The following RNF175 variants were observed in gnomAD, a reference collection of about 807,000 sequenced individuals.
RNF175 encodes the protein ring finger protein 175.
A neutral mutation model predicts 50.0 loss-of-function variants in RNF175; 38 were observed. That is an observed-to-expected ratio of 0.76 (90% CI 0.59 to 1.00). The LOEUF is 1.00. Among genes scored for constraint, RNF175 ranks in the 50% least tolerant of loss-of-function variants. The pLI, the probability that RNF175 is intolerant of heterozygous loss-of-function variation, is 0.00. For missense variants in RNF175, 388 were observed against 409.6 expected (o/e 0.95, Z 0.46); for synonymous variants, 155 against 146.1 (o/e 1.06, Z -0.44).
intron 3 of RNF175, among the ~76,000 whole-genome samples, chr4:153,745,232 A>C (rs1739904881): frequency 6.6e-6 from 1 of 152,194 alleles, no homozygotes; most frequent in Non-Finnish European, 1.5e-5. Flanking sequence ...CATTACCAGC[A>C]CCATGAGGGA....
rs766653649 is a variant in RNF175 at position 153,720,204 on chromosome 4, A to G, written c.610T>C (p.Tyr204His). Residue 204 changes from tyrosine to histidine, a missense_variant, in exon 6 of 9, where the codon TAC becomes CAC. Tyr to His is a moderately conservative substitution (Grantham distance 83, BLOSUM62 2). Transcript: ENST00000347063. The stretch of plus-strand genomic sequence containing the variant: ...CTTACCCCTATAGTGGAAGCCATGT[A>G]GTCTGAGCAGATCTCGGCAAAGTCT... The part of the protein sequence containing the change: ...GRDFAEICSD[Y>H]MASTIGFYSV... 1.4e-5 allele frequency: 22 copies of G among 1,613,708 alleles called. No homozygotes were observed. In the Admixed American group the frequency reaches 3.7e-4, roughly 27 times the overall value.
At chr4:153,727,303 A>G (rs935705062) in intron 4 of RNF175, among the ~76,000 whole-genome samples, 1 of 152,184 alleles carries the variant, frequency 6.6e-6, no homozygotes, top group Non-Finnish European at 1.5e-5. Context: ...CTTCCTCTTT[A>G]GTTTAGTGGA....
intron 1 of RNF175, among the ~76,000 whole-genome samples, chr4:153,754,130 AC>A (rs1740441501): frequency 8.7e-6 from 1 of 114,810 alleles, no homozygotes; most frequent in Non-Finnish European, 1.7e-5. Context: ...AGATCGCGCC[AC>A]TGCACTCCAG....
At chr4:153,752,320 G>A (rs1480345520) in intron 1 of RNF175, among the ~76,000 whole-genome samples, 1 of 152,160 alleles carries the variant, frequency 6.6e-6, no homozygotes, top group Non-Finnish European at 1.5e-5. Context: ...ACTACCTGAG[G>A]CTTGCTTCAC....
At chr4:153,720,401 C>T (rs1038064317) in intron 5 of RNF175, 97 bp from the exon 6 acceptor site, 2 of 933,372 alleles carry the variant, frequency 2.1e-6, no homozygotes, top group South Asian at 1.7e-5. Flanking sequence ...CTAAGAGAAC[C>T]TTGTGGGTAT....
intron 6 of RNF175, among the ~76,000 whole-genome samples, chr4:153,718,226 G>GTTTTT (rs1325216298): frequency 4.9e-4 from 15 of 30,580 alleles, no homozygotes; most frequent in African/African-American, 1.1e-3. Context: ...TTGTTTGTTT[G>GTTTTT]TTTGTTTGTT....
intron 3 of RNF175, among the ~76,000 whole-genome samples, chr4:153,743,656 A>G (rs577060602): frequency 1.5e-4 from 23 of 152,218 alleles, no homozygotes; most frequent in African/African-American, 5.3e-4. Context: ...CTCCAAGGTG[A>G]TCCTTAGGAC....
intron 4 of RNF175, among the ~76,000 whole-genome samples, chr4:153,724,123 G>A (rs899921740): frequency 2.6e-5 from 4 of 152,168 alleles, no homozygotes; most frequent in African/African-American, 9.7e-5. Flanking sequence ...GTTCCCAAAG[G>A]GTCTAAGTGG....
At position 153,734,665 on chromosome 4, in the gene RNF175, C is replaced by CT. The variant is rs56211482; in HGVS notation, c.247-6305dup. 8.9e-4 allele frequency among the ~76,000 whole-genome samples: 65 copies of CT among 73,176 alleles called. 10 individuals are homozygous for CT. The highest frequency in any genetic ancestry group is 4.1e-3 in the African/African-American group (49 of 12,000). 48.0% of individuals were successfully genotyped at this position (73,176 alleles called of 152,430 possible). A position where few individuals can be genotyped will look rare whatever the true frequency, so the allele number is the denominator to read the frequency against. On this transcript the variant is annotated intron_variant, in intron 3 of 8. Transcript: ENST00000347063. Reference sequence around the variant, plus strand: ...TCCAAGTCTGGCTTGTTTTTTTATTCTTTTTTTTTTTTTTTTTTTTTTTTT... The same window carrying CT: ...TCCAAGTCTGGCTTGTTTTTTTATTCTTTTTTTTTTTTTTTTTTTTTTTTTT...
At chr4:153,737,546 A>C (rs1317952709) in intron 3 of RNF175, among the ~76,000 whole-genome samples, 1 of 152,040 alleles carries the variant, frequency 6.6e-6, no homozygotes, top group Non-Finnish European at 1.5e-5. Context: ...ATTTCTCTGG[A>C]GTTTCTTCTT....
chr4:153,728,565 A>G (rs1047651842), intron 3 of RNF175, among the ~76,000 whole-genome samples: 2 of 152,176 alleles, frequency 1.3e-5, no homozygotes, highest in East Asian at 1.9e-4. Context: ...GAAAATTCCA[A>G]TGGGAAACAA....
chr4:153,753,370 C>T (rs1306937223), intron 1 of RNF175, among the ~76,000 whole-genome samples: 2 of 152,110 alleles, frequency 1.3e-5, no homozygotes, highest in African/African-American at 2.4e-5. Context: ...AGGCACCAGG[C>T]ATGTGGAGGG....
At chr4:153,720,410 A>G (rs1439087204) in intron 5 of RNF175, 106 bp from the exon 6 acceptor site, 3 of 767,742 alleles carry the variant, frequency 3.9e-6, no homozygotes, top group Non-Finnish European at 6.1e-6. Context: ...CCTTGTGGGT[A>G]TTTTTTTTTT....
intron 6 of RNF175, among the ~76,000 whole-genome samples, chr4:153,717,350 C>T (rs1430945956): frequency 6.6e-6 from 1 of 152,030 alleles, no homozygotes; most frequent in Non-Finnish European, 1.5e-5. Context: ...TTTGCCCAGA[C>T]CTATAATGAG....
intron 3 of RNF175, among the ~76,000 whole-genome samples, chr4:153,737,427 T>C (rs987585969): frequency 3.9e-5 from 6 of 152,124 alleles, no homozygotes; most frequent in Admixed American, 1.3e-4. Flanking sequence ...CTTTTCTTCT[T>C]TTCTAATATA....
At chr4:153,743,384 G>A (rs1215401953) in intron 3 of RNF175, among the ~76,000 whole-genome samples, 3 of 152,172 alleles carry the variant, frequency 2.0e-5, no homozygotes, top group Non-Finnish European at 2.9e-5. Context: ...GAGACATGCA[G>A]GGGGATGGGG....
intron 6 of RNF175, among the ~76,000 whole-genome samples, chr4:153,717,602 A>G (rs1315777615): frequency 6.6e-6 from 1 of 152,128 alleles, no homozygotes; most frequent in Non-Finnish European, 1.5e-5. Flanking sequence ...TATCTATATT[A>G]AGCTAAACAA....
At chr4:153,759,673 A>G in intron 1 of RNF175, 124 bp downstream of exon 1, 2 of 583,818 alleles carry the variant, frequency 3.4e-6, no homozygotes, top group Non-Finnish European at 5.6e-6. Context: ...ACGTCTTTCC[A>G]GGGCCGGTTC....
chr4:153,732,222 ACT>A (rs777646212), intron 3 of RNF175, among the ~76,000 whole-genome samples: 35 of 149,238 alleles, frequency 2.3e-4, no homozygotes, highest in Admixed American at 5.4e-4. Flanking sequence ...ACAGAGCAAG[ACT>A]CTGTCTCAAA....
Sources: gnomAD v4.1 joint callset for allele counts (sites outside exome capture counted in the v4.1 genomes callset) on GRCh38, gnomAD v4.1.1 for gene constraint, MANE v1.5 for transcripts, NCBI Gene and HGNC (gene_info 2026-07-23, HGNC 2026-07-21) for gene names.